Variants in SYT1 observed in about 807,000 individuals in gnomAD.
SYT1 encodes the protein synaptotagmin-1.
In SYT1, 8 loss-of-function variants were observed where a neutral mutation model predicts 44.8. The ratio of observed to expected loss-of-function variants is 0.18; its 90% CI spans 0.10 to 0.32. The LOEUF is 0.32. SYT1 is among the 10% of genes least tolerant of loss of function. SYT1 has a pLI of 1.00. For synonymous variants in SYT1, 154 were observed against 188.8 expected (o/e 0.82, Z 1.51); for missense variants, 286 against 509.3 (o/e 0.56, Z 4.22).
chr12:79,389,509 C>A (rs1040962089), intron 9 of SYT1, among the ~76,000 whole-genome samples: 12 of 152,088 alleles, frequency 7.9e-5, no homozygotes, highest in African/African-American at 2.9e-4. Context: ...CTCACAGTAA[C>A]CCTATATGGT....
intron 10 of SYT1, among the ~76,000 whole-genome samples, chr12:79,447,241 C>A (rs969055971): frequency 6.6e-6 from 1 of 151,590 alleles, no homozygotes; most frequent in African/African-American, 2.4e-5. Context: ...TAGGAGGCAA[C>A]TTTTCTAGTC....
intron 8 of SYT1, among the ~76,000 whole-genome samples, chr12:79,343,321 G>A (rs576097624): frequency 6.6e-6 from 1 of 152,324 alleles, no homozygotes; most frequent in South Asian, 2.1e-4. Flanking sequence ...CATGGCACAT[G>A]TAGAAAAGAG....
intron 1 of SYT1, among the ~76,000 whole-genome samples, chr12:78,963,024 AT>A (rs1388224569): frequency 1.3e-5 from 2 of 151,982 alleles, no homozygotes; most frequent in African/African-American, 4.8e-5. Context: ...GAGTTTGACT[AT>A]TTTACCTGTC....
At chr12:79,058,242 C>A (rs1168820959) in intron 3 of SYT1, among the ~76,000 whole-genome samples, 1 of 151,890 alleles carries the variant, frequency 6.6e-6, no homozygotes, top group African/African-American at 2.4e-5. Context: ...TCGACAGTGG[C>A]CACACAAAAA....
intron 3 of SYT1, among the ~76,000 whole-genome samples, chr12:79,184,024 T>G (rs1872678684): frequency 6.6e-6 from 1 of 152,016 alleles, no homozygotes; most frequent in Non-Finnish European, 1.5e-5. Context: ...ACAACAAACT[T>G]CCCAGGGTGA....
At chr12:78,892,224 C>G (rs548310222) in intron 1 of SYT1, among the ~76,000 whole-genome samples, 7 of 151,856 alleles carry the variant, frequency 4.6e-5, no homozygotes, top group Non-Finnish European at 7.4e-5. Context: ...CTTGGATTCA[C>G]TAATATGGAA....
At chr12:79,260,419 C>T (rs1015221060) in intron 4 of SYT1, among the ~76,000 whole-genome samples, 2 of 152,180 alleles carry the variant, frequency 1.3e-5, no homozygotes, top group Admixed American at 6.5e-5. Context: ...ATGAAAATTG[C>T]TGTAGTAACA....
chr12:78,906,747 G>A (rs190289539), intron 1 of SYT1, among the ~76,000 whole-genome samples: 1 of 152,188 alleles, frequency 6.6e-6, no homozygotes, highest in East Asian at 1.9e-4. Flanking sequence ...CCAGGAAGAA[G>A]CAGTGTTCTG....
At position 79,449,957 on chromosome 12, in the gene SYT1, T is replaced by TGTGTGC. The variant is rs1491498880; in HGVS notation, c.*834_*835insTGTGCG. On this transcript the variant is annotated 3_prime_UTR_variant, in exon 11 of 11. Transcript: ENST00000261205. ...GTGTGTGTGTGTGTGTGTGTGTGTG[T>TGTGTGC]GCACATTTGTTTGGGGATGGGGGAG... is the stretch of plus-strand genomic sequence containing the variant. The TGTGTGC allele has an allele frequency of 1.4e-5, 2 of 144,680 alleles. No individual in the cohort carries two copies. Among genetic ancestry groups the TGTGTGC allele is most frequent in the African/African-American group, 5.1e-5 (2 of 39,194 alleles). 9.0% of individuals were successfully genotyped at this position (144,680 alleles called of 1,614,324 possible). A position where few individuals can be genotyped will look rare whatever the true frequency, so the allele number is the denominator to read the frequency against.
At chr12:79,299,752 A>G (rs183119502) in intron 8 of SYT1, among the ~76,000 whole-genome samples, 1 of 151,906 alleles carries the variant, frequency 6.6e-6, no homozygotes, top group Non-Finnish European at 1.5e-5. Context: ...AAGAAGAGAG[A>G]CATTTGTGTA....
At chr12:78,894,330 G>GTTTTTTTTTTTTTTATTTTTT (rs1875227984) in intron 1 of SYT1, among the ~76,000 whole-genome samples, 1 of 27,710 alleles carries the variant, frequency 3.6e-5, no homozygotes, top group African/African-American at 1.2e-4. Flanking sequence ...TTTTTAATCT[G>GTTTTTTTTTTTTTTATTTTTT]TTTTTTTTTT....
chr12:78,866,774 C>CT (rs374353991), intron 1 of SYT1, among the ~76,000 whole-genome samples: 5 of 151,954 alleles, frequency 3.3e-5, no homozygotes, highest in Admixed American at 6.6e-5. Context: ...CAGAGTCTTA[C>CT]TTTTTTTTGT....
intron 4 of SYT1, among the ~76,000 whole-genome samples, chr12:79,244,302 C>G (rs942187915): frequency 2.0e-5 from 3 of 152,198 alleles, no homozygotes; most frequent in African/African-American, 7.2e-5. Flanking sequence ...AATCTTGATC[C>G]TCAAGAACTT....
At chr12:79,122,358 C>CA (rs1282633879) in intron 3 of SYT1, among the ~76,000 whole-genome samples, 2 of 149,738 alleles carry the variant, frequency 1.3e-5, no homozygotes, top group African/African-American at 2.5e-5. Context: ...ACTAAAAATA[C>CA]AAAAAATTAG....
intron 8 of SYT1, among the ~76,000 whole-genome samples, chr12:79,319,383 C>T (rs908187482): frequency 6.6e-6 from 1 of 152,138 alleles, no homozygotes; most frequent in African/African-American, 2.4e-5. Flanking sequence ...GAAGCTGAAA[C>T]TCAGAGAAGT....
At chr12:78,877,201 A>C (rs988203149) in intron 1 of SYT1, among the ~76,000 whole-genome samples, 2 of 151,326 alleles carry the variant, frequency 1.3e-5, no homozygotes, top group Non-Finnish European at 3.0e-5. Context: ...GGAGGCCTCA[A>C]AATCATGGCA....
intron 3 of SYT1, among the ~76,000 whole-genome samples, chr12:79,191,300 C>T (rs1200619315): frequency 6.6e-6 from 1 of 151,868 alleles, no homozygotes; most frequent in Non-Finnish European, 1.5e-5. Flanking sequence ...AATAGATATT[C>T]CTGATCTCTA....
At chr12:79,172,866 T>C (rs565081127) in intron 3 of SYT1, among the ~76,000 whole-genome samples, 1 of 148,612 alleles carries the variant, frequency 6.7e-6, no homozygotes, top group African/African-American at 2.5e-5. Context: ...ATACTGGGTT[T>C]CAAACTCTAG....
intron 2 of SYT1, among the ~76,000 whole-genome samples, chr12:79,021,931 T>C (rs1378412234): frequency 6.6e-6 from 1 of 151,778 alleles, no homozygotes; most frequent in Non-Finnish European, 1.5e-5. Flanking sequence ...AAATCTATTA[T>C]TTTTGTCTTC....
Sources: allele counts gnomAD v4.1 joint callset (sites outside exome capture counted in the v4.1 genomes callset), GRCh38; gene constraint gnomAD v4.1.1; transcripts MANE v1.5; gene names NCBI Gene and HGNC (gene_info 2026-07-23, HGNC 2026-07-21).